Variants in KATNAL2 observed in about 807,000 individuals in gnomAD.
The protein encoded by KATNAL2 is katanin p60 ATPase-containing subunit A-like 2.
A neutral mutation model predicts 76.3 loss-of-function variants in KATNAL2; 52 were observed. The observed-to-expected ratio is 0.68, with a 90% CI of 0.55 to 0.86. The LOEUF is 0.86. Among genes scored for constraint, KATNAL2 ranks in the 40% least tolerant of loss-of-function variants. The pLI, the probability that KATNAL2 is intolerant of heterozygous loss-of-function variation, is 0.00. For missense variants in KATNAL2, 660 were observed against 668.9 expected (o/e 0.99, Z 0.15); for synonymous variants, 243 against 244.2 (o/e 1.00, Z 0.05).
At chr18:46,923,111 C>A (rs866404256) in intron 1 of KATNAL2, among the ~76,000 whole-genome samples, 1 of 139,832 alleles carries the variant, frequency 7.2e-6, no homozygotes, top group African/African-American at 2.6e-5. Context: ...ATGTGCACAA[C>A]GTGCAGGTTT....
intron 10 of KATNAL2, among the ~76,000 whole-genome samples, chr18:47,066,307 G>A (rs938091110): frequency 7.2e-5 from 11 of 152,070 alleles, no homozygotes; most frequent in African/African-American, 2.2e-4. Flanking sequence ...GCTCTGAGGC[G>A]TCTGGTGAAA....
At chr18:47,099,953 C>T (rs2063398698) in intron 16 of KATNAL2, among the ~76,000 whole-genome samples, 1 of 152,102 alleles carries the variant, frequency 6.6e-6, no homozygotes, top group Non-Finnish European at 1.5e-5. Context: ...ATTTGACCAT[C>T]CTTGGATTTG....
In KATNAL2 at chr18:46,955,380, C is replaced by T. The variant is rs138987588; in HGVS notation, c.51+8457C>T. On this transcript the variant is annotated intron_variant, in intron 3 of 17. Coordinates refer to ENST00000683218, the MANE Select transcript of KATNAL2 (RefSeq NM_001387690.1). ...TACAGGCATGCGCCACCACGCCTGG[C>T]TAATTTTGTATTTTTTTTTTTTAAG... Among the ~76,000 whole-genome samples the T allele has an allele frequency of 3.4e-3, 516 of 151,562 alleles. 3 individuals carry two copies. Among genetic ancestry groups the T allele is most frequent in the Non-Finnish European group, 5.6e-3 (380 of 67,894 alleles).
At chr18:47,052,106 G>T (rs1047010931) in intron 4 of KATNAL2, among the ~76,000 whole-genome samples, 2 of 152,186 alleles carry the variant, frequency 1.3e-5, no homozygotes, top group Non-Finnish European at 2.9e-5. Context: ...GGTTTTAAAA[G>T]AAGTTAAGAA....
At chr18:46,959,466 T>TA (rs1195306759) in intron 3 of KATNAL2, among the ~76,000 whole-genome samples, 1 of 152,122 alleles carries the variant, frequency 6.6e-6, no homozygotes, top group Non-Finnish European at 1.5e-5. Flanking sequence ...ACCTTTTTTT[T>TA]AAAAAAAACT....
At chr18:47,034,830 C>T in intron 3 of KATNAL2, 2 of 1,612,156 alleles carry the variant, frequency 1.2e-6, no homozygotes, top group Non-Finnish European at 1.7e-6. Context: ...GACTGTGAGA[C>T]CTCGGGTGAG....
At chr18:47,084,393 T>C (rs1568013272) in intron 15 of KATNAL2, 3 of 702,904 alleles carry the variant, frequency 4.3e-6, no homozygotes, top group Non-Finnish European at 7.8e-6. Flanking sequence ...ATCAAGGTCT[T>C]GATTGTGCCT....
At chr18:47,032,906 G>C in intron 3 of KATNAL2, 1 of 1,601,834 alleles carries the variant, frequency 6.2e-7, no homozygotes, top group Non-Finnish European at 8.5e-7. Flanking sequence ...CCAAGTTAAA[G>C]GTTCTGGTGT....
intron 3 of KATNAL2, among the ~76,000 whole-genome samples, chr18:47,043,885 AC>A (rs1371705950): frequency 1.3e-5 from 2 of 152,194 alleles, no homozygotes; most frequent in African/African-American, 4.8e-5. Flanking sequence ...ACAGTGAACA[AC>A]TTTTATATGG....
At chr18:46,937,247 A>T (rs552648610) in intron 1 of KATNAL2, among the ~76,000 whole-genome samples, 4 of 152,256 alleles carry the variant, frequency 2.6e-5, no homozygotes, top group Admixed American at 2.6e-4. Context: ...ACAAATTTCA[A>T]TTGAGAGGCA....
Position 46,959,501 on chromosome 18 carries a change from T to C in KATNAL2, c.51+12578T>C, listed in dbSNP as rs1002595203. On this transcript the variant is annotated intron_variant, in intron 3 of 17. Coordinates refer to ENST00000683218, the MANE Select transcript of KATNAL2 (RefSeq NM_001387690.1). ...TAACTGAGAATATACAGACATAAATTTGTGTATTTCATGTTTTGTGTGAAA... is the reference window on the plus strand; with the variant it reads ...TAACTGAGAATATACAGACATAAATCTGTGTATTTCATGTTTTGTGTGAAA... Among the ~76,000 whole-genome samples, 9 of 152,328 alleles carry C rather than the reference T, an allele frequency of 5.9e-5. No homozygotes were observed. In the East Asian group the frequency reaches 1.5e-3, roughly 26 times the overall value.
chr18:47,032,841 C>A (rs1486706145), intron 3 of KATNAL2: 3 of 1,419,848 alleles, frequency 2.1e-6, no homozygotes, highest in African/African-American at 2.9e-5. Context: ...GTGTGGGAGG[C>A]AAAATCACAG....
intron 1 of KATNAL2, among the ~76,000 whole-genome samples, chr18:46,940,684 G>T (rs902874543): frequency 2.0e-5 from 3 of 152,126 alleles, no homozygotes; most frequent in Non-Finnish European, 2.9e-5. Flanking sequence ...CCAAGGTAGG[G>T]AGGGGACAAG....
At chr18:46,953,997 A>G (rs1320799702) in intron 3 of KATNAL2, among the ~76,000 whole-genome samples, 1 of 152,092 alleles carries the variant, frequency 6.6e-6, no homozygotes, top group Non-Finnish European at 1.5e-5. Context: ...GTTGGAGAGA[A>G]CAGAGGAAGA....
At chr18:47,041,090 A>C (rs1398824178) in intron 3 of KATNAL2, among the ~76,000 whole-genome samples, 1 of 152,184 alleles carries the variant, frequency 6.6e-6, no homozygotes, top group Non-Finnish European at 1.5e-5. Context: ...TTCACAGCCA[A>C]ATTGAACAAA....
intron 6 of KATNAL2, among the ~76,000 whole-genome samples, chr18:47,055,137 C>G (rs2061436556): frequency 6.6e-6 from 1 of 152,156 alleles, no homozygotes; most frequent in Non-Finnish European, 1.5e-5. Context: ...ATTCCTCTCG[C>G]CCCACTCCCA....
chr18:47,063,184 C>T, intron 9 of KATNAL2, 100 bp from the exon 10 acceptor site: 5 of 1,423,640 alleles, frequency 3.5e-6, no homozygotes, highest in South Asian at 2.4e-5. Context: ...GCCATAGCCA[C>T]CTGCCATCGT....
intron 3 of KATNAL2, among the ~76,000 whole-genome samples, chr18:47,044,709 G>T (rs890390197): frequency 6.7e-6 from 1 of 150,016 alleles, no homozygotes; most frequent in African/African-American, 2.5e-5. Context: ...TGCAGTGATC[G>T]GAGATCATGC....
chr18:46,960,271 C>A (rs1355794219), intron 3 of KATNAL2, among the ~76,000 whole-genome samples: 2 of 152,030 alleles, frequency 1.3e-5, no homozygotes. Flanking sequence ...AACCTCATCT[C>A]TACTAAAAAT....
Sources: allele counts gnomAD v4.1 joint callset (sites outside exome capture counted in the v4.1 genomes callset), GRCh38; gene constraint gnomAD v4.1.1; transcripts MANE v1.5; gene names NCBI Gene and HGNC (gene_info 2026-07-23, HGNC 2026-07-21).